COL12A1: variants seen among roughly 807,000 people sequenced by gnomAD.
COL12A1 encodes collagen type XII alpha 1 chain, also known as collagen alpha-1(XII) chain.
In COL12A1, 114 loss-of-function variants were observed where a neutral mutation model predicts 349.7. That is an observed-to-expected ratio of 0.33 (90% confidence interval 0.28 to 0.38). The LOEUF is 0.38. Among genes scored for constraint, COL12A1 ranks in the 10% least tolerant of loss-of-function variants. The pLI, the probability that COL12A1 is intolerant of heterozygous loss-of-function variation, is 1.00. For missense variants in COL12A1, 3,284 were observed against 3,756.9 expected (o/e 0.87, Z 3.29); for synonymous variants, 1,369 against 1,329.0 (o/e 1.03, Z -0.66).
At chr6:75,141,487 A>G (rs1366289834) in intron 27 of COL12A1, among the ~76,000 whole-genome samples, 1 of 152,186 alleles carries the variant, frequency 6.6e-6, no homozygotes, top group Non-Finnish European at 1.5e-5. Flanking sequence ...CACTCCACTT[A>G]CAGTGCAGTC....
intron 20 of COL12A1, among the ~76,000 whole-genome samples, 187 bp downstream of exon 20, chr6:75,151,680 C>A (rs755791654): frequency 1.3e-4 from 19 of 151,894 alleles, no homozygotes; most frequent in African/African-American, 3.9e-4. Flanking sequence ...TTTAAGAAAC[C>A]ATGTAGTTTT....
intron 21 of COL12A1, 49 bp from the exon 22 acceptor site, chr6:75,148,546 G>A (rs1392999831): frequency 6.6e-7 from 1 of 1,516,166 alleles, no homozygotes; most frequent in African/African-American, 1.4e-5. Flanking sequence ...TTGTAGAAAG[G>A]TGACAATATT....
intron 18 of COL12A1, 38 bp from the exon 19 acceptor site, chr6:75,152,288 GA>G: frequency 6.2e-7 from 1 of 1,613,536 alleles, no homozygotes; most frequent in Non-Finnish European, 8.5e-7. Flanking sequence ...ATGTGAAAGA[GA>G]AAGATAAAAA....
chr6:75,134,145 T>C (rs531610468), intron 32 of COL12A1, 148 bp from the exon 33 acceptor site: 1 of 838,300 alleles, frequency 1.2e-6, no homozygotes, highest in South Asian at 1.9e-5. Context: ...ACACACACTG[T>C]GTCCGCGTCA....
Position 75,130,979 on chromosome 6 carries a change from T to C in COL12A1, c.5940A>G (p.Ile1980Met), listed in dbSNP as rs376487916. 2 of 1,614,032 alleles carry C rather than the reference T, an allele frequency of 1.2e-6. No individual in the cohort carries two copies. The highest frequency in any genetic ancestry group is 1.3e-5 in the African/African-American group (1 of 74,928). Reference protein sequence around the residue: ...PVDGTRPSESIVVPGNTRMVH... With the variant: ...PVDGTRPSESMVVPGNTRMVH... ...CCATGCGCGTGTTTCCTGGCACTAC[T>C]ATCTGCAGGAGAGGAAATGCCAAAT... Residue 1980 changes from isoleucine (I) to methionine (M), a missense_variant and splice_region_variant, in exon 36 of 66, where the codon ATA (isoleucine) becomes ATG (methionine). This residue lies in a region of COL12A1 where 2,601 missense variants were observed against 2,824.8 expected (regional missense o/e 0.92). Transcript: ENST00000322507.
rs763289827 is a variant in COL12A1, at chr6:75,154,402, A to ACT, written c.3565+12_3565+13dup. 6.2e-7 allele frequency: 1 copy of ACT among 1,607,774 alleles called. No homozygotes were observed. The highest frequency in any genetic ancestry group is 1.1e-5 in the South Asian group (1 of 90,244). ...TAAGTTGTTTTCCTCAAGGAATGTA[A>ACT]CTCAATTTCTTACCAGAAGATAAAA... On this transcript the variant is annotated intron_variant, in intron 17 of 65. Transcript: ENST00000322507.
rs1321113819 is a variant in COL12A1 at position 75,113,724 on chromosome 6, A to T, written c.7718T>A (p.Leu2573His). 6.3e-7 allele frequency: 1 copy of T among 1,595,098 alleles called. No homozygotes were observed. The highest frequency in any genetic ancestry group is 8.6e-7 in the Non-Finnish European group (1 of 1,167,814). ...TAATATAATCGTGTATGAAGGAGGG[A>T]GTCCATTTGGGTGTAGGTCTCTGTT... ...QPTADLHPNG[L>H]PPSYTIILLF... The change falls in exon 50 of 66, where the codon CTC becomes CAC. Residue 2573 changes from leucine to histidine, a missense_variant. By Grantham distance (99) the Leu-to-His change is moderately conservative. Coordinates refer to ENST00000322507, the MANE Select transcript of COL12A1 (RefSeq NM_004370.6).
intron 20 of COL12A1, 35 bp from the exon 21 acceptor site, chr6:75,151,322 T>C (rs1360512789): frequency 1.7e-5 from 27 of 1,586,008 alleles, no homozygotes; most frequent in Non-Finnish European, 2.2e-5. Flanking sequence ...TAAAAGCACT[T>C]CTCAGAAAAA....
chr6:75,084,673 G>A lies in COL12A1; in HGVS notation c.*1874C>T, dbSNP rs1048020837. The A allele has an allele frequency of 6.5e-6, 1 of 154,284 alleles. No homozygotes were observed. The highest frequency in any genetic ancestry group is 2.4e-5 in the African/African-American group (1 of 41,454). 9.6% of individuals were successfully genotyped at this position (154,284 alleles called of 1,614,324 possible). A position where few individuals can be genotyped will look rare whatever the true frequency, so the allele number is the denominator to read the frequency against. On this transcript the variant is annotated 3_prime_UTR_variant, in exon 66 of 66. Coordinates refer to ENST00000322507, the MANE Select transcript of COL12A1 (RefSeq NM_004370.6). ...GCTTAAGGTTTGTGGTTGTTAAAGA[G>A]ATGTATACGAGCATTCTATGCCCCG...
intron 40 of COL12A1, among the ~76,000 whole-genome samples, chr6:75,124,846 A>T (rs1439874950): frequency 6.6e-6 from 1 of 152,198 alleles, no homozygotes; most frequent in African/African-American, 2.4e-5. Flanking sequence ...TTTACAGGTC[A>T]TTCATGGATA....
intron 62 of COL12A1, 55 bp downstream of exon 62, chr6:75,091,268 T>C: frequency 6.8e-7 from 1 of 1,460,038 alleles, no homozygotes; most frequent in Non-Finnish European, 9.5e-7. Flanking sequence ...AACTCTGCAT[T>C]TTCCTGCAAT....
At chr6:75,126,270 A>T in intron 39 of COL12A1, 81 bp downstream of exon 39, 1 of 1,483,754 alleles carries the variant, frequency 6.7e-7, no homozygotes, top group Non-Finnish European at 9.1e-7. Flanking sequence ...AGAACCCAAC[A>T]GTGGGGGATG....
rs774577979 is a variant in COL12A1 at position 75,090,171 on chromosome 6, C to T, written c.8880G>A (p.Gly2960=). 1 of 1,614,124 alleles carries T rather than the reference C, an allele frequency of 6.2e-7. No homozygotes were observed. Among genetic ancestry groups the T allele is most frequent in the Admixed American group, 1.7e-5 (1 of 60,022 alleles). ...CCGGGAAGCCTGGCCGCCCCCCAGG[C>T]CCAGGTTCTCCTCTGGCTCCTGCGC... ...PGSAGARGEP[G]PGGRPGFPGT... is the part of the protein sequence containing the mutation. The change falls in exon 63 of 66, where the codon GGG becomes GGA. Residue 2960 remains glycine, a synonymous_variant. Coordinates refer to ENST00000322507, the MANE Select transcript of COL12A1 (RefSeq NM_004370.6). The surrounding 1 kb of genome is among the most constrained non-coding windows in gnomAD (Gnocchi z 4.1).
At chr6:75,100,294 C>T (rs950043512) in intron 58 of COL12A1, among the ~76,000 whole-genome samples, 2 of 152,180 alleles carry the variant, frequency 1.3e-5, no homozygotes, top group Middle Eastern at 3.4e-3. Flanking sequence ...CTAGGGAACC[C>T]GCTGTGTGTC....
At chr6:75,097,975 A>G (rs1768135055) in intron 58 of COL12A1, among the ~76,000 whole-genome samples, 1 of 152,182 alleles carries the variant, frequency 6.6e-6, no homozygotes, top group Non-Finnish European at 1.5e-5. Context: ...TTAATAGAAT[A>G]TTTATAATAT....
At chr6:75,121,809 T>C (rs549206016) in intron 43 of COL12A1, among the ~76,000 whole-genome samples, 5 of 152,176 alleles carry the variant, frequency 3.3e-5, no homozygotes, top group African/African-American at 1.2e-4. Context: ...ATAAAAAGTT[T>C]GGAGATTTGA....
chr6:75,131,195 C>G (rs747144167), intron 35 of COL12A1, among the ~76,000 whole-genome samples: 1 of 152,050 alleles, frequency 6.6e-6, no homozygotes, highest in Non-Finnish European at 1.5e-5. Flanking sequence ...CATCCTTGAC[C>G]CTTAGTAGCT....
At chr6:75,145,243 T>A in intron 25 of COL12A1, 83 bp downstream of exon 25, 1 of 1,241,350 alleles carries the variant, frequency 8.1e-7, no homozygotes, top group Non-Finnish European at 1.1e-6. Flanking sequence ...TATCAAATTA[T>A]TGTTAGCATC....
At chr6:75,112,696 TG>T (rs1337762448) in intron 51 of COL12A1, among the ~76,000 whole-genome samples, 2 of 151,728 alleles carry the variant, frequency 1.3e-5, no homozygotes, top group Non-Finnish European at 3.0e-5. Context: ...TTAATTATTT[TG>T]GTAGATATTG....
Sources: gnomAD v4.1 joint callset for allele counts (sites outside exome capture counted in the v4.1 genomes callset) on GRCh38, gnomAD v4.1.1 for gene constraint, gnomAD v4.1.1 regional missense constraint, Gnocchi (gnomAD v3.1) non-coding constraint, MANE v1.5 for transcripts, NCBI Gene and HGNC (gene_info 2026-07-23, HGNC 2026-07-21) for gene names.